The following TRIO variants were observed in gnomAD, a reference collection of about 807,000 sequenced individuals.
TRIO encodes triple functional domain protein.
A neutral mutation model predicts 351.9 loss-of-function variants in TRIO; 58 were observed. The observed-to-expected ratio is 0.16, with a 90% CI of 0.13 to 0.21. The LOEUF is 0.21. Among genes scored for constraint, TRIO ranks in the 10% least tolerant of loss-of-function variants. TRIO has a pLI of 1.00. For synonymous variants in TRIO, 1,758 were observed against 1,595.7 expected (o/e 1.10, Z -2.42); for missense variants, 3,201 against 4,027.8 (o/e 0.79, Z 5.56).
At chr5:14,237,831 G>A (rs1281172165) in intron 1 of TRIO, among the ~76,000 whole-genome samples, 1 of 152,176 alleles carries the variant, frequency 6.6e-6, no homozygotes, top group East Asian at 1.9e-4. Context: ...ACGGTTACCA[G>A]CTGAGCCCAA....
chr5:14,219,846 GT>G (rs879924359), intron 1 of TRIO, among the ~76,000 whole-genome samples: 103 of 145,728 alleles, frequency 7.1e-4, no homozygotes, highest in South Asian at 1.7e-3. Context: ...GCGTCCAGCA[GT>G]TTTTTTTTTT....
chr5:14,265,287 C>G (rs1369782019), intron 1 of TRIO, among the ~76,000 whole-genome samples: 1 of 152,002 alleles, frequency 6.6e-6, no homozygotes, highest in Non-Finnish European at 1.5e-5. Flanking sequence ...CTCAAATGGT[C>G]AAGGAATAAC....
At position 14,287,003 on chromosome 5, in the gene TRIO, G is replaced by T; in HGVS notation, c.480G>T (p.Lys160Asn). ...GCATCCATGTGGCCCTGATCATCAA[G>T]CCAGACAACTTCTGGCAGAAACAGA... ...PCCIHVALIIKPDNFWQKQRT... is the reference protein window; with the variant it reads ...PCCIHVALIINPDNFWQKQRT... Residue 160 changes from lysine to asparagine, a missense_variant, in exon 4 of 57, where the codon AAG (lysine) becomes AAT (asparagine). Transcript: ENST00000344204. 6.2e-7 allele frequency: 1 copy of T among 1,614,220 alleles called. No individual in the cohort carries two copies. The highest frequency in any genetic ancestry group is 8.5e-7 in the Non-Finnish European group (1 of 1,180,042).
At position 14,369,247 on chromosome 5, in the gene TRIO, CCTT is replaced by C. The variant is rs781461550; in HGVS notation, c.3067-123_3067-121del. ...CTCCAGCCAGGTGGAGCCCATGGCTCCTTCTTATGGTCTTGATCCTCCTGACAG... is the reference window on the plus strand; with the variant it reads ...CTCCAGCCAGGTGGAGCCCATGGCTCCTTATGGTCTTGATCCTCCTGACAG... On this transcript the variant is annotated intron_variant, in intron 17 of 56. Transcript: ENST00000344204. 56 of 1,357,742 alleles carry C rather than the reference CCTT, an allele frequency of 4.1e-5. No individual in the cohort carries two copies. In the East Asian group the frequency reaches 4.8e-4, roughly 12 times the overall value. The allele number at this position is 1,357,742 out of a possible 1,614,324, so 84.1% of individuals were successfully genotyped here.
At chr5:14,461,654 G>T (rs1319439815) in intron 35 of TRIO, among the ~76,000 whole-genome samples, 2 of 152,224 alleles carry the variant, frequency 1.3e-5, no homozygotes, top group African/African-American at 2.4e-5. Context: ...ACTCCACCAT[G>T]AAGCAAAGCC....
intron 1 of TRIO, among the ~76,000 whole-genome samples, chr5:14,196,638 AC>A (rs991753210): frequency 3.9e-5 from 6 of 152,064 alleles, no homozygotes; most frequent in African/African-American, 1.4e-4. Context: ...TTACATTATA[AC>A]CTGTGCTCTC....
intron 11 of TRIO, among the ~76,000 whole-genome samples, chr5:14,348,178 A>T (rs887617809): frequency 6.6e-6 from 1 of 152,182 alleles, no homozygotes; most frequent in African/African-American, 2.4e-5. Flanking sequence ...CATCAATTTA[A>T]TGTGTCCACA....
chr5:14,492,806 G>T lies in TRIO; in HGVS notation c.7872G>T (p.Gly2624=), dbSNP rs759149807. 2.5e-6 allele frequency: 4 copies of T among 1,613,564 alleles called. No homozygotes were observed. The East Asian group carries it at 6.7e-5, about 27-fold the overall frequency. ...CAGTCATCGTGGAGAACCCGGACGGGACTCTCAAGTGAGTGCTTGACAGTA... is the reference window on the plus strand; with the variant it reads ...CAGTCATCGTGGAGAACCCGGACGGTACTCTCAAGTGAGTGCTTGACAGTA... ...TSAVIVENPD[G]TLKKSTSWHT... is the part of the protein sequence containing the mutation. Residue 2624 remains glycine (G), a synonymous_variant, in exon 49 of 57, where the codon GGG becomes GGT. Transcript: ENST00000344204.
At chr5:14,424,207 T>C (rs1750441520) in intron 34 of TRIO, among the ~76,000 whole-genome samples, 2 of 152,144 alleles carry the variant, frequency 1.3e-5, no homozygotes. Flanking sequence ...TCTGACATTC[T>C]GAGTTCAGAG....
At chr5:14,191,296 TTAA>T (rs529138765) in intron 1 of TRIO, among the ~76,000 whole-genome samples, 86 of 152,268 alleles carry the variant, frequency 5.6e-4, no homozygotes, top group African/African-American at 2.0e-3. Flanking sequence ...TTTCTAGGAA[TTAA>T]TAAGAAGTAA....
intron 33 of TRIO, among the ~76,000 whole-genome samples, chr5:14,416,726 C>CA (rs997112661): frequency 3.6e-4 from 55 of 152,310 alleles, no homozygotes; most frequent in African/African-American, 1.2e-3. Context: ...CCTTCTTCGG[C>CA]AGCCCCTCTC....
At chr5:14,439,980 G>A (rs1751894227) in intron 34 of TRIO, among the ~76,000 whole-genome samples, 1 of 152,082 alleles carries the variant, frequency 6.6e-6, no homozygotes, top group South Asian at 2.1e-4. Flanking sequence ...TTTTTCCTTT[G>A]AGGATTTTAA....
intron 1 of TRIO, among the ~76,000 whole-genome samples, chr5:14,188,313 T>C (rs1207324272): frequency 6.6e-6 from 1 of 152,176 alleles, no homozygotes; most frequent in African/African-American, 2.4e-5. Context: ...ATTTAATAAG[T>C]GTAATATTTT....
intron 37 of TRIO, among the ~76,000 whole-genome samples, chr5:14,467,579 G>T (rs1387281237): frequency 1.3e-5 from 2 of 152,112 alleles, no homozygotes; most frequent in African/African-American, 4.8e-5. Context: ...ACTTTAGGAG[G>T]CCAAGGCAGG....
chr5:14,484,073 C>T (rs1561543300), intron 46 of TRIO, among the ~76,000 whole-genome samples: 1 of 150,374 alleles, frequency 6.7e-6, no homozygotes, highest in African/African-American at 2.4e-5. Context: ...CTGAGAACTG[C>T]ACTCATCCAT....
At chr5:14,150,365 T>G (rs1787757000) in intron 1 of TRIO, among the ~76,000 whole-genome samples, 1 of 152,076 alleles carries the variant, frequency 6.6e-6, no homozygotes, top group Non-Finnish European at 1.5e-5. Context: ...GGGAACTGAT[T>G]TGTATTCTGG....
At chr5:14,291,896 A>G (rs547821076) in intron 5 of TRIO, among the ~76,000 whole-genome samples, 1 of 152,146 alleles carries the variant, frequency 6.6e-6, no homozygotes, top group Admixed American at 6.5e-5. Flanking sequence ...CAAGATGAGT[A>G]ATGTGTTAAA....
At chr5:14,158,869 A>G (rs1022026802) in intron 1 of TRIO, among the ~76,000 whole-genome samples, 4 of 152,224 alleles carry the variant, frequency 2.6e-5, no homozygotes, top group Admixed American at 6.5e-5. Context: ...ACAAAAAGTC[A>G]TGGCTAAATG....
rs368939112 is a variant in TRIO, at chr5:14,456,174, G to A, written c.5204-4845G>A. ...GCTGGCCACTCGGAGTGCAGGGCCC[G>A]CTGAGCACACGCCCACCTGGAACTC... is the stretch of plus-strand genomic sequence containing the variant. On this transcript the variant is annotated intron_variant, in intron 34 of 56. Coordinates refer to ENST00000344204, the MANE Select transcript of TRIO (RefSeq NM_007118.4). Among the ~76,000 whole-genome samples the A allele has an allele frequency of 2.4e-4, 37 of 152,358 alleles. No individual in the cohort carries two copies. In the East Asian group the frequency reaches 4.6e-3, roughly 19 times the overall value.
Sources: allele counts gnomAD v4.1 joint callset (sites outside exome capture counted in the v4.1 genomes callset), GRCh38; gene constraint gnomAD v4.1.1; transcripts MANE v1.5; gene names NCBI Gene and HGNC (gene_info 2026-07-23, HGNC 2026-07-21).